MALRD1: variants seen among roughly 807,000 people sequenced by gnomAD.
MALRD1 encodes the protein MAM and LDL-receptor class A domain-containing protein 1.
A neutral mutation model predicts 242.1 loss-of-function variants in MALRD1; 247 were observed. The ratio of observed to expected loss-of-function variants is 1.02; its 90% CI spans 0.92 to 1.13. The LOEUF (loss-of-function observed/expected upper bound fraction) is 1.13, where lower values mean the gene tolerates loss of function less well. Among genes scored for constraint, MALRD1 ranks in the 50% most tolerant of loss-of-function variants. The pLI, the probability that MALRD1 is intolerant of heterozygous loss-of-function variation, is 0.00. For synonymous variants in MALRD1, 995 were observed against 866.6 expected (o/e 1.15, Z -2.60); for missense variants, 2,989 against 2,533.1 (o/e 1.18, Z -3.86).
chr10:19,186,009 C>A (rs138680871), intron 14 of MALRD1, among the ~76,000 whole-genome samples: 1 of 152,158 alleles, frequency 6.6e-6, no homozygotes, highest in African/African-American at 2.4e-5. Context: ...TTTGTAAGGT[C>A]TGGAAAAATG....
At chr10:19,453,200 G>T (rs774852472) in intron 29 of MALRD1, among the ~76,000 whole-genome samples, 32 of 152,182 alleles carry the variant, frequency 2.1e-4, no homozygotes, top group South Asian at 8.3e-4. Context: ...TTGATGTTCT[G>T]CATGTGAAAT....
intron 19 of MALRD1, among the ~76,000 whole-genome samples, chr10:19,270,935 G>T (rs1840204950): frequency 6.6e-6 from 1 of 151,790 alleles, no homozygotes; most frequent in Non-Finnish European, 1.5e-5. Flanking sequence ...GACACAAAAT[G>T]AGCTCAACCA....
At chr10:19,698,289 A>G (rs765286863) in intron 38 of MALRD1, among the ~76,000 whole-genome samples, 2 of 152,220 alleles carry the variant, frequency 1.3e-5, no homozygotes, top group South Asian at 2.1e-4. Flanking sequence ...AATAGTATCA[A>G]TCCCTCATAC....
At chr10:19,525,049 C>T (rs1375070721) in intron 31 of MALRD1, among the ~76,000 whole-genome samples, 1 of 151,572 alleles carries the variant, frequency 6.6e-6, no homozygotes, top group East Asian at 1.9e-4. Flanking sequence ...GGATTACAGG[C>T]ATGTACCACC....
intron 26 of MALRD1, among the ~76,000 whole-genome samples, chr10:19,381,094 A>G (rs1298370955): frequency 1.5e-4 from 19 of 130,966 alleles, no homozygotes; most frequent in Admixed American, 2.8e-4. Context: ...AGAGTGTGAT[A>G]TTCCCCTTCT....
intron 19 of MALRD1, among the ~76,000 whole-genome samples, chr10:19,265,303 G>A (rs922002494): frequency 1.3e-5 from 2 of 151,550 alleles, no homozygotes; most frequent in African/African-American, 4.9e-5. Flanking sequence ...GAGGTATAAA[G>A]ATAGATTGCT....
chr10:19,434,726 C>G (rs751002897), intron 28 of MALRD1, among the ~76,000 whole-genome samples: 22 of 151,734 alleles, frequency 1.4e-4, no homozygotes, highest in Non-Finnish European at 2.5e-4. Context: ...TTTTTATGTT[C>G]TAGTCTTTTT....
At chr10:19,393,442 A>ATTTTT (rs71387074) in intron 28 of MALRD1, among the ~76,000 whole-genome samples, 5 of 110,042 alleles carry the variant, frequency 4.5e-5, no homozygotes, top group Admixed American at 1.1e-4. Context: ...GATGAGGTTA[A>ATTTTT]TTTTTTTTTT....
intron 10 of MALRD1, among the ~76,000 whole-genome samples, chr10:19,143,300 A>G (rs1833613502): frequency 6.6e-6 from 1 of 152,220 alleles, no homozygotes; most frequent in Non-Finnish European, 1.5e-5. Context: ...TCAATTATGA[A>G]GAGTCTGGGT....
chr10:19,397,219 C>T (rs554702811), intron 28 of MALRD1, among the ~76,000 whole-genome samples: 1 of 152,170 alleles, frequency 6.6e-6, no homozygotes, highest in South Asian at 2.1e-4. Context: ...CTTCATACTC[C>T]ACCAATCTCT....
At chr10:19,311,078 T>C (rs1265326873) in intron 21 of MALRD1, among the ~76,000 whole-genome samples, 1 of 151,466 alleles carries the variant, frequency 6.6e-6, no homozygotes, top group East Asian at 1.9e-4. Flanking sequence ...AGTTCATTTA[T>C]GTTAAGGAGA....
chr10:19,120,422 T>G (rs547219116), intron 5 of MALRD1, among the ~76,000 whole-genome samples: 1 of 151,416 alleles, frequency 6.6e-6, no homozygotes, highest in South Asian at 2.1e-4. Context: ...TTCAGGGGAG[T>G]GGTAAAGGTG....
At chr10:19,718,411 C>T (rs912343250) in intron 38 of MALRD1, among the ~76,000 whole-genome samples, 63 of 152,170 alleles carry the variant, frequency 4.1e-4, no homozygotes, top group Admixed American at 1.5e-3. Context: ...AAGCACATCA[C>T]GTAGCAAGAG....
intron 8 of MALRD1, among the ~76,000 whole-genome samples, chr10:19,130,017 A>C (rs1158358056): frequency 1.3e-5 from 2 of 151,778 alleles, no homozygotes; most frequent in Non-Finnish European, 2.9e-5. Flanking sequence ...TATGTATATA[A>C]ATTCTTTTTT....
At chr10:19,666,253 A>G (rs746316476) in intron 36 of MALRD1, among the ~76,000 whole-genome samples, 2 of 151,986 alleles carry the variant, frequency 1.3e-5, no homozygotes, top group African/African-American at 4.8e-5. Flanking sequence ...TTATCTTCCA[A>G]ATGCTCTTGG....
intron 12 of MALRD1, among the ~76,000 whole-genome samples, chr10:19,165,265 A>ATATATATATATATATATATTTTTT: frequency 3.1e-5 from 4 of 130,286 alleles, no homozygotes; most frequent in African/African-American, 9.7e-5. Context: ...ATATATATAT[A>ATATATATATATATATATATTTTTT]TTTTGTTTTG....
At chr10:19,403,909 A>G (rs1350009203) in intron 28 of MALRD1, among the ~76,000 whole-genome samples, 1 of 152,098 alleles carries the variant, frequency 6.6e-6, no homozygotes, top group Non-Finnish European at 1.5e-5. Flanking sequence ...ATCGGAGCTG[A>G]ATTTTCTTGG....
intron 5 of MALRD1, among the ~76,000 whole-genome samples, chr10:19,116,281 T>G (rs1289680857): frequency 6.6e-6 from 1 of 152,252 alleles, no homozygotes; most frequent in East Asian, 1.9e-4. Flanking sequence ...TTTTGAATAT[T>G]CTGTGAATAT....
At chr10:19,323,273 C>A (rs190284738) in intron 21 of MALRD1, among the ~76,000 whole-genome samples, 1 of 152,130 alleles carries the variant, frequency 6.6e-6, no homozygotes. Context: ...TTTCCCCTTC[C>A]TTTTATGTTT....
Sources: gnomAD v4.1 joint callset for allele counts (sites outside exome capture counted in the v4.1 genomes callset) on GRCh38, gnomAD v4.1.1 for gene constraint, MANE v1.5 for transcripts, NCBI Gene and HGNC (gene_info 2026-07-23, HGNC 2026-07-21) for gene names.